Variants in STAT4 observed in about 807,000 individuals in gnomAD.
The protein encoded by STAT4 is signal transducer and activator of transcription 4.
A neutral mutation model predicts 110.5 loss-of-function variants in STAT4; 42 were observed. The observed-to-expected ratio is 0.38, with a 90% CI of 0.30 to 0.49. The LOEUF is 0.49. Among genes scored for constraint, STAT4 ranks in the 20% least tolerant of loss-of-function variants. The pLI is 0.95. For synonymous variants in STAT4, 284 were observed against 302.2 expected (o/e 0.94, Z 0.63); for missense variants, 632 against 887.9 (o/e 0.71, Z 3.66).
chr2:191,141,029 G>T (rs1435101936), intron 3 of STAT4, among the ~76,000 whole-genome samples: 3 of 152,044 alleles, frequency 2.0e-5, no homozygotes, highest in Non-Finnish European at 4.4e-5. Context: ...TGGGAGCTAA[G>T]CTATGAGGAT....
chr2:191,035,442 A>G lies in STAT4; in HGVS notation c.1570+722T>C, dbSNP rs752987085. Among the ~76,000 whole-genome samples, 1 of 152,230 alleles carries G rather than the reference A, an allele frequency of 6.6e-6. No homozygotes were observed. Among genetic ancestry groups the G allele is most frequent in the Non-Finnish European group, 1.5e-5 (1 of 68,042 alleles). On this transcript the variant is annotated intron_variant, in intron 17 of 23. Transcript: ENST00000392320. The surrounding 1 kb of genome is among the most constrained non-coding windows in gnomAD (Gnocchi z 4.7). ...CACACATGATTCTACTTCTGCACAA[A>G]TGGATCTTTGGCCCTAATTTAACTA...
intron 3 of STAT4, among the ~76,000 whole-genome samples, chr2:191,130,425 T>C (rs1257068619): frequency 2.0e-5 from 3 of 149,400 alleles, no homozygotes; most frequent in Non-Finnish European, 2.9e-5. Flanking sequence ...GGTTTCACCA[T>C]GTAAGCCAGG....
At chr2:191,151,016 T>C (rs1699580310), upstream of STAT4, 4 of 985,610 alleles carry the variant, frequency 4.1e-6, no homozygotes, top group Non-Finnish European at 4.8e-6. This position sits in a 1 kb window ranked among gnomAD's most constrained non-coding sequence, Gnocchi z 4.7. Context: ...TCACAGTCCC[T>C]AGGAGAAAGC....
At chr2:191,056,833 A>AATG (rs1410279940) in intron 13 of STAT4, among the ~76,000 whole-genome samples, 1 of 144,690 alleles carries the variant, frequency 6.9e-6, no homozygotes, top group Non-Finnish European at 1.5e-5. Flanking sequence ...CACAGGCTGG[A>AATG]ATGCAGTGGT....
At position 191,099,548 on chromosome 2, in the gene STAT4, A is replaced by G. The variant is rs1559066872; in HGVS notation, c.274-23223T>C. 6.6e-6 allele frequency among the ~76,000 whole-genome samples: 1 copy of G among 152,174 alleles called. No homozygotes were observed. Among genetic ancestry groups the G allele is most frequent in the Non-Finnish European group, 1.5e-5 (1 of 67,990 alleles). ...CTGTTACGTAAAATTTGGAAAGCAGAGATATGAATAATAAAATTTCATTTT... is the reference window on the plus strand; with the variant it reads ...CTGTTACGTAAAATTTGGAAAGCAGGGATATGAATAATAAAATTTCATTTT... On this transcript the variant is annotated intron_variant, in intron 3 of 23. Transcript: ENST00000392320. This position sits in a 1 kb window ranked among gnomAD's most constrained non-coding sequence, Gnocchi z 4.1.
Position 191,033,223 on chromosome 2 carries a change from A to C in STAT4, c.1853-74T>G. 1 of 1,447,122 alleles carries C rather than the reference A, an allele frequency of 6.9e-7. No individual in the cohort carries two copies. Among genetic ancestry groups the C allele is most frequent in the Admixed American group, 2.1e-5 (1 of 47,504 alleles). The allele number at this position is 1,447,122 out of a possible 1,614,324, so 89.6% of individuals were successfully genotyped here. On this transcript the variant is annotated intron_variant, in intron 20 of 23. Coordinates refer to ENST00000392320, the MANE Select transcript of STAT4 (RefSeq NM_003151.4). This position sits in a 1 kb window ranked among gnomAD's most constrained non-coding sequence, Gnocchi z 6.9. Reference sequence around the variant, plus strand: ...TTGTGACCATTTCTTCCCTGCCCACATTATCTTCATGCCACTGGAGTGACT... The same window carrying C: ...TTGTGACCATTTCTTCCCTGCCCACCTTATCTTCATGCCACTGGAGTGACT...
intron 3 of STAT4, among the ~76,000 whole-genome samples, chr2:191,087,616 C>T (rs900046662): frequency 6.6e-6 from 1 of 152,110 alleles, no homozygotes; most frequent in Non-Finnish European, 1.5e-5. Context: ...CATAACAAGG[C>T]CACCTTTGCT....
At chr2:191,041,205 A>G in intron 14 of STAT4, 57 bp from the exon 15 acceptor site, 1 of 989,428 alleles carries the variant, frequency 1.0e-6, no homozygotes, top group Non-Finnish European at 1.4e-6. Flanking sequence ...TATCTAATAG[A>G]AGACTTGTTT....
chr2:191,034,251 C>T (rs751758947), intron 18 of STAT4, among the ~76,000 whole-genome samples: 23 of 151,792 alleles, frequency 1.5e-4, no homozygotes, highest in East Asian at 5.8e-4. Context: ...TGAAACCCCA[C>T]CTCTACTAAA....
intron 13 of STAT4, 143 bp from the exon 14 acceptor site, chr2:191,054,677 A>G: frequency 4.6e-6 from 3 of 654,886 alleles, no homozygotes; most frequent in East Asian, 2.8e-5. Context: ...TTGAAACCTG[A>G]CACAACTGCC....
rs150087228 is a variant in STAT4 at position 191,059,576 on chromosome 2, T to C, written c.1035-807A>G. Among the ~76,000 whole-genome samples, 70 of 152,300 alleles carry C rather than the reference T, an allele frequency of 4.6e-4. 1 individual carries two copies. The East Asian group carries it at 0.011, about 23-fold the overall frequency. ...ATTTATGCAGTACACCCTTAGGTACTAGAGAACTGATGTAGCAAAGACTGC... is the reference window on the plus strand; with the variant it reads ...ATTTATGCAGTACACCCTTAGGTACCAGAGAACTGATGTAGCAAAGACTGC... On this transcript the variant is annotated intron_variant, in intron 10 of 23. Coordinates refer to ENST00000392320, the MANE Select transcript of STAT4 (RefSeq NM_003151.4). The surrounding 1 kb of genome is among the most constrained non-coding windows in gnomAD (Gnocchi z 4.7).
Position 191,062,912 on chromosome 2 carries a change from A to G in STAT4, c.791T>C (p.Leu264Pro). ...CAGTTGGAAAAGACTTTCTGCCAAT[A>G]GTGTAAAGCTATTGAACAGAAAATG... ...GLDQLQNCFT[L>P]LAESLFQLRR... Residue 264 changes from leucine (L) to proline (P), a missense_variant, in exon 9 of 24, where the codon CTA becomes CCA. Around this residue, in one of 4 missense-constraint regions of STAT4, gnomAD observed 488 missense variants for 632.8 expected, o/e 0.77. Coordinates refer to ENST00000392320, the MANE Select transcript of STAT4 (RefSeq NM_003151.4). This position sits in a 1 kb window ranked among gnomAD's most constrained non-coding sequence, Gnocchi z 4.9. 1 of 1,612,716 alleles carries G rather than the reference A, an allele frequency of 6.2e-7. No individual in the cohort carries two copies. Among genetic ancestry groups the G allele is most frequent in the Non-Finnish European group, 8.5e-7 (1 of 1,179,528 alleles).
chr2:191,091,070 T>C lies in STAT4; in HGVS notation c.274-14745A>G, dbSNP rs1697785930. ...TGGTGGCTCAGTAACCTTTACTCTG[T>C]GATAAGAACAGATATCTCGTCATCA... On this transcript the variant is annotated intron_variant, in intron 3 of 23. Transcript: ENST00000392320. This position sits in a 1 kb window ranked among gnomAD's most constrained non-coding sequence, Gnocchi z 5.4. Among the ~76,000 whole-genome samples, 1 of 152,124 alleles carries C rather than the reference T, an allele frequency of 6.6e-6. No homozygotes were observed. Among genetic ancestry groups the C allele is most frequent in the Non-Finnish European group, 1.5e-5 (1 of 68,026 alleles).
intron 3 of STAT4, among the ~76,000 whole-genome samples, chr2:191,103,036 C>G (rs73981279): frequency 6.6e-6 from 1 of 152,186 alleles, no homozygotes; most frequent in Non-Finnish European, 1.5e-5. Flanking sequence ...ATCCTAGTCA[C>G]AACCTCTCTC....
chr2:191,116,850 A>G lies in STAT4; in HGVS notation c.273+29763T>C, dbSNP rs1698586338. Among the ~76,000 whole-genome samples, 1 of 152,254 alleles carries G rather than the reference A, an allele frequency of 6.6e-6. No homozygotes were observed. The highest frequency in any genetic ancestry group is 1.5e-5 in the Non-Finnish European group (1 of 68,054). On this transcript the variant is annotated intron_variant, in intron 3 of 23. Transcript: ENST00000392320. This position sits in a 1 kb window ranked among gnomAD's most constrained non-coding sequence, Gnocchi z 4.1. ...GTAAATTTACTCAAATGTCTCAGAAATGACAAGATGCTTGAGGTGGACAGT... is the reference window on the plus strand; with the variant it reads ...GTAAATTTACTCAAATGTCTCAGAAGTGACAAGATGCTTGAGGTGGACAGT...
At position 191,104,269 on chromosome 2, in the gene STAT4, G is replaced by C. The variant is rs564254714; in HGVS notation, c.274-27944C>G. Among the ~76,000 whole-genome samples the C allele has an allele frequency of 6.6e-6, 1 of 151,598 alleles. No homozygotes were observed. The highest frequency in any genetic ancestry group is 6.6e-5 in the Admixed American group (1 of 15,210). On this transcript the variant is annotated intron_variant, in intron 3 of 23. Coordinates refer to ENST00000392320, the MANE Select transcript of STAT4 (RefSeq NM_003151.4). This position sits in a 1 kb window ranked among gnomAD's most constrained non-coding sequence, Gnocchi z 4.3. ...TTCTTGTAATTAATTTGCATTACTC[G>C]TATAATTTTTAAAAACACTCTTTTT...
intron 3 of STAT4, among the ~76,000 whole-genome samples, chr2:191,080,423 A>G (rs1006826388): frequency 6.6e-6 from 1 of 152,160 alleles, no homozygotes; most frequent in African/African-American, 2.4e-5. Context: ...TTTCCATAAA[A>G]TAATGTCTTC....
In STAT4 at chr2:191,142,970, T is replaced by C. The variant is rs1481281196; in HGVS notation, c.273+3643A>G. Among the ~76,000 whole-genome samples the C allele has an allele frequency of 6.6e-6, 1 of 152,160 alleles. No homozygotes were observed. The highest frequency in any genetic ancestry group is 2.1e-4 in the South Asian group (1 of 4,828). On this transcript the variant is annotated intron_variant, in intron 3 of 23. Coordinates refer to ENST00000392320, the MANE Select transcript of STAT4 (RefSeq NM_003151.4). The surrounding 1 kb of genome is among the most constrained non-coding windows in gnomAD (Gnocchi z 4.1). ...CAAGGAGTGAATCTTAATGTAGTCT[T>C]GAAATGTAAGTTAATAATAATGTAT...
chr2:191,079,447 C>A (rs559346285), intron 3 of STAT4, among the ~76,000 whole-genome samples: 16 of 151,890 alleles, frequency 1.1e-4, no homozygotes, highest in South Asian at 6.2e-4. Flanking sequence ...GAATAAATAT[C>A]TTTTTCCTCA....
Sources: allele counts gnomAD v4.1 joint callset (sites outside exome capture counted in the v4.1 genomes callset), GRCh38; gene constraint gnomAD v4.1.1; regional missense constraint gnomAD v4.1.1; non-coding constraint Gnocchi (gnomAD v3.1); transcripts MANE v1.5; gene names NCBI Gene and HGNC (gene_info 2026-07-23, HGNC 2026-07-21).